Variants in MGAT4C observed in about 807,000 individuals in gnomAD.
The protein encoded by MGAT4C is alpha-1,3-mannosyl-glycoprotein 4-beta-N-acetylglucosaminyltransferase C.
In MGAT4C, 19 loss-of-function variants were observed where a neutral mutation model predicts 40.1. The observed-to-expected ratio is 0.47, with a 90% CI of 0.33 to 0.70. The LOEUF (loss-of-function observed/expected upper bound fraction) is 0.70. MGAT4C is among the 30% of genes least tolerant of loss of function. MGAT4C has a pLI of 0.02. For synonymous variants in MGAT4C, 181 were observed against 187.1 expected, an observed-to-expected ratio of 0.97 and a Z score of 0.27; for missense variants, 491 against 563.2, an observed-to-expected ratio of 0.87 and a Z score of 1.30.
chr12:86,063,722 G>T (rs1018426535), intron 1 of MGAT4C, among the ~76,000 whole-genome samples: 1 of 152,150 alleles, frequency 6.6e-6, no homozygotes, highest in Non-Finnish European at 1.5e-5. Context: ...TAAGTAAATG[G>T]AAAGCAAAAA....
chr12:86,101,576 C>T (rs1875063749), intron 1 of MGAT4C, among the ~76,000 whole-genome samples: 1 of 151,792 alleles, frequency 6.6e-6, no homozygotes, highest in East Asian at 1.9e-4. Context: ...TAATTACACA[C>T]AGCCCTCCTT....
chr12:86,799,645 CT>C (rs1315795011), intron 1 of MGAT4C, among the ~76,000 whole-genome samples: 8 of 151,788 alleles, frequency 5.3e-5, no homozygotes, highest in East Asian at 3.9e-4. Context: ...TTCTATGTGA[CT>C]TTTTTTATGG....
At chr12:86,811,543 T>C (rs1952474715) in intron 1 of MGAT4C, among the ~76,000 whole-genome samples, 2 of 151,010 alleles carry the variant, frequency 1.3e-5, no homozygotes, top group South Asian at 4.2e-4. Flanking sequence ...GGTTTCACCA[T>C]GTTGGCCAGG....
At chr12:86,611,388 ATAGGTAGGTAGGTAGG>A (rs150541086) in intron 2 of MGAT4C, among the ~76,000 whole-genome samples, 1 of 148,106 alleles carries the variant, frequency 6.8e-6, no homozygotes, top group Admixed American at 6.8e-5. Context: ...GGTCCCATAG[ATAGGTAGGTAGGTAGG>A]TAGGTAGGTA....
intron 1 of MGAT4C, among the ~76,000 whole-genome samples, chr12:86,096,848 A>G (rs1389858968): frequency 2.0e-5 from 3 of 151,580 alleles, no homozygotes; most frequent in Non-Finnish European, 4.4e-5. Context: ...AATCCCATAT[A>G]ATATATTTGT....
At chr12:86,057,230 C>T (rs1386653347) in intron 1 of MGAT4C, among the ~76,000 whole-genome samples, 9 of 151,852 alleles carry the variant, frequency 5.9e-5, no homozygotes, top group South Asian at 2.1e-4. Context: ...CAGGCTGGAG[C>T]ACAGTGGCAC....
At chr12:86,275,210 T>C (rs187790109) in intron 4 of MGAT4C, among the ~76,000 whole-genome samples, 121 of 152,268 alleles carry the variant, frequency 7.9e-4, no homozygotes, top group African/African-American at 2.7e-3. Flanking sequence ...GATAATACTA[T>C]CACAAACCAA....
intron 1 of MGAT4C, among the ~76,000 whole-genome samples, chr12:86,785,256 G>C (rs1447158541): frequency 6.6e-6 from 1 of 151,950 alleles, no homozygotes; most frequent in Non-Finnish European, 1.5e-5. Context: ...ATAATGAACA[G>C]CAATATTCCC....
intron 1 of MGAT4C, among the ~76,000 whole-genome samples, chr12:86,212,712 C>T (rs1480646146): frequency 7.8e-6 from 1 of 127,548 alleles, no homozygotes; most frequent in Non-Finnish European, 1.7e-5. Flanking sequence ...AACGGTGAAA[C>T]CCCGTCTCTA....
chr12:86,500,922 C>T (rs1210325475), intron 2 of MGAT4C, among the ~76,000 whole-genome samples: 1 of 151,952 alleles, frequency 6.6e-6, no homozygotes, highest in African/African-American at 2.4e-5. Flanking sequence ...ATGTGAAAAG[C>T]AGCTTAAGTA....
At chr12:86,568,863 C>T (rs574923827) in intron 2 of MGAT4C, among the ~76,000 whole-genome samples, 23 of 151,828 alleles carry the variant, frequency 1.5e-4, no homozygotes, top group South Asian at 2.1e-4. Flanking sequence ...GCTGGGAAAA[C>T]GGGAAATCCA....
intron 1 of MGAT4C, among the ~76,000 whole-genome samples, chr12:86,204,514 A>G (rs1054073652): frequency 2.6e-4 from 40 of 152,308 alleles, no homozygotes; most frequent in African/African-American, 8.9e-4. Context: ...AAGCAAATAT[A>G]TTTCAATGAC....
chr12:86,799,015 G>A (rs1433572938), intron 1 of MGAT4C, among the ~76,000 whole-genome samples: 1 of 151,672 alleles, frequency 6.6e-6, no homozygotes, highest in African/African-American at 2.4e-5. Flanking sequence ...CTAGCATCTG[G>A]CCACCAGTTA....
intron 2 of MGAT4C, among the ~76,000 whole-genome samples, chr12:86,635,965 A>T (rs1258879809): frequency 2.0e-5 from 3 of 151,866 alleles, no homozygotes; most frequent in Non-Finnish European, 4.4e-5. Flanking sequence ...TACAGGAGTG[A>T]GCCACCATAC....
chr12:86,619,801 C>T (rs1962580202), intron 2 of MGAT4C, among the ~76,000 whole-genome samples: 3 of 152,034 alleles, frequency 2.0e-5, no homozygotes, highest in Admixed American at 6.6e-5. Flanking sequence ...TATTCTGTTT[C>T]CCCTGGCAGG....
chr12:86,736,773 A>G (rs1399245862), intron 1 of MGAT4C, among the ~76,000 whole-genome samples: 5 of 151,854 alleles, frequency 3.3e-5, no homozygotes, highest in Admixed American at 1.3e-4. Flanking sequence ...CATTTAAAAG[A>G]CAAATTACAA....
intron 2 of MGAT4C, among the ~76,000 whole-genome samples, chr12:86,031,420 T>G (rs557798771): frequency 6.6e-6 from 1 of 152,018 alleles, no homozygotes; most frequent in Non-Finnish European, 1.5e-5. Context: ...TAAATTTGCT[T>G]ACATTGTTCT....
chr12:86,022,226 C>A (rs2136869176), intron 2 of MGAT4C, among the ~76,000 whole-genome samples: 1 of 152,234 alleles, frequency 6.6e-6, no homozygotes, highest in South Asian at 2.1e-4. Flanking sequence ...AGTAAAAACA[C>A]ATGTTGTGGT....
intron 1 of MGAT4C, among the ~76,000 whole-genome samples, chr12:86,750,368 T>C (rs1047744459): frequency 7.2e-5 from 11 of 151,880 alleles, no homozygotes; most frequent in African/African-American, 2.7e-4. Flanking sequence ...AACTTGAATA[T>C]CATTAGTCAC....
Sources: allele counts gnomAD v4.1 joint callset (sites outside exome capture counted in the v4.1 genomes callset), GRCh38; gene constraint gnomAD v4.1.1; transcripts MANE v1.5; gene names NCBI Gene and HGNC (gene_info 2026-07-23, HGNC 2026-07-21).